Variants in FBN2 observed in about 807,000 individuals in gnomAD.
FBN2 encodes fibrillin 2.
In FBN2, 105 loss-of-function variants were observed where a neutral mutation model predicts 355.6. That is an observed-to-expected ratio of 0.30 (90% CI 0.25 to 0.35). The LOEUF (loss-of-function observed/expected upper bound fraction) is 0.35. FBN2 is among the 10% of genes least tolerant of loss of function. The pLI is 1.00. For missense variants in FBN2, 3,280 were observed against 3,758.7 expected (o/e 0.87, Z 3.33); for synonymous variants, 1,350 against 1,301.2 (o/e 1.04, Z -0.81).
intron 7 of FBN2, among the ~76,000 whole-genome samples, chr5:128,419,135 T>C (rs553563533): frequency 6.6e-6 from 1 of 152,236 alleles, no homozygotes; most frequent in Non-Finnish European, 1.5e-5. Context: ...TCTTGTACAA[T>C]TGCAACTTTG....
At chr5:128,496,997 G>A (rs1306296175) in intron 5 of FBN2, among the ~76,000 whole-genome samples, 2 of 151,842 alleles carry the variant, frequency 1.3e-5, no homozygotes, top group Non-Finnish European at 2.9e-5. Flanking sequence ...AAAGAAGTAC[G>A]AAACTATACT....
intron 7 of FBN2, among the ~76,000 whole-genome samples, chr5:128,429,724 T>C (rs993418630): frequency 2.6e-5 from 4 of 152,228 alleles, no homozygotes; most frequent in African/African-American, 9.6e-5. Context: ...GCTTTACTTG[T>C]TAATTATGAG....
At chr5:128,498,938 A>G (rs1184551829) in intron 5 of FBN2, among the ~76,000 whole-genome samples, 1 of 152,182 alleles carries the variant, frequency 6.6e-6, no homozygotes, top group African/African-American at 2.4e-5. Flanking sequence ...CTTCCCATTC[A>G]TTTACAAGTC....
At chr5:128,331,562 A>C (rs1289491009) in intron 32 of FBN2, among the ~76,000 whole-genome samples, 1 of 152,216 alleles carries the variant, frequency 6.6e-6, no homozygotes, top group Non-Finnish European at 1.5e-5. Context: ...GACTATGAAG[A>C]GATCGAATCC....
chr5:128,474,568 T>C (rs1754959532), intron 5 of FBN2, among the ~76,000 whole-genome samples: 1 of 152,202 alleles, frequency 6.6e-6, no homozygotes, highest in South Asian at 2.1e-4. Flanking sequence ...GACTGGATTA[T>C]GGTGGCTGCC....
chr5:128,305,966 T>C lies in FBN2; in HGVS notation c.5423-18A>G, dbSNP rs752235258. The stretch of plus-strand genomic sequence containing the variant: ...ATCAATGTCTGAAATGGAACAGATT[T>C]GGTCAAATATATGTTGTTCTGTTTA... On this transcript the variant is annotated intron_variant, in intron 42 of 64. Transcript: ENST00000262464. 2 of 1,611,208 alleles carry C rather than the reference T, an allele frequency of 1.2e-6. No homozygotes were observed. The highest frequency in any genetic ancestry group is 1.1e-5 in the South Asian group (1 of 91,040).
intron 8 of FBN2, among the ~76,000 whole-genome samples, chr5:128,397,512 T>C (rs1295582614): frequency 3.3e-5 from 5 of 152,198 alleles, no homozygotes; most frequent in Non-Finnish European, 7.4e-5. Flanking sequence ...TTATTAATTG[T>C]TCGATTTTCA....
At chr5:128,476,860 G>GA (rs1561475553) in intron 5 of FBN2, among the ~76,000 whole-genome samples, 1 of 152,204 alleles carries the variant, frequency 6.6e-6, no homozygotes, top group African/African-American at 2.4e-5. Flanking sequence ...GGTTTCTACA[G>GA]AAGATTTTGT....
chr5:128,464,612 T>G (rs773370205), intron 6 of FBN2, 112 bp downstream of exon 6: 55 of 1,196,832 alleles, frequency 4.6e-5, no homozygotes, highest in Non-Finnish European at 6.5e-5. Context: ...GAGGCCACTC[T>G]TGGAAATCAG....
chr5:128,350,753 C>T, intron 21 of FBN2, 115 bp downstream of exon 21: 1 of 1,231,724 alleles, frequency 8.1e-7, no homozygotes, highest in Non-Finnish European at 1.2e-6. Context: ...AACATTTTAG[C>T]AAAAGTAAAT....
intron 49 of FBN2, among the ~76,000 whole-genome samples, 193 bp from the exon 50 acceptor site, chr5:128,291,077 A>C (rs1749308369): frequency 6.6e-6 from 1 of 152,216 alleles, no homozygotes; most frequent in African/African-American, 2.4e-5. Context: ...AATATGCTTA[A>C]AATATTTTTA....
intron 7 of FBN2, among the ~76,000 whole-genome samples, chr5:128,431,829 T>C (rs1753634681): frequency 6.6e-6 from 1 of 152,148 alleles, no homozygotes; most frequent in Admixed American, 6.5e-5. Context: ...GTCTGCAGCA[T>C]GGATATGCTG....
Position 128,259,285 on chromosome 5 carries a change from G to A in FBN2, c.*170C>T. On this transcript the variant is annotated 3_prime_UTR_variant, in exon 65 of 65. Transcript: ENST00000262464. Reference sequence around the variant, plus strand: ...TGTGCTCAAATCTTTGGCCATACCAGAGTCTAAATTATCCCTCCCTGTGAG... The same window carrying A: ...TGTGCTCAAATCTTTGGCCATACCAAAGTCTAAATTATCCCTCCCTGTGAG... The A allele has an allele frequency of 1.2e-6, 1 of 815,710 alleles. No homozygotes were observed. Among genetic ancestry groups the A allele is most frequent in the Non-Finnish European group, 2.0e-6 (1 of 496,308 alleles). The allele number at this position is 815,710 out of a possible 1,614,324, so 50.5% of individuals were successfully genotyped here. A position where few individuals can be genotyped will look rare whatever the true frequency, so the allele number is the denominator to read the frequency against.
At chr5:128,481,180 GA>G (rs35188139) in intron 5 of FBN2, among the ~76,000 whole-genome samples, 74,620 of 149,386 alleles carry the variant, frequency 0.5, 21,275 homozygotes, top group African/African-American at 0.8. Flanking sequence ...TTTACTCAGG[GA>G]AAAAAAAAAA....
At chr5:128,347,100 T>C (rs1751203364) in intron 23 of FBN2, among the ~76,000 whole-genome samples, 1 of 152,172 alleles carries the variant, frequency 6.6e-6, no homozygotes, top group Non-Finnish European at 1.5e-5. Flanking sequence ...GTGAAAGTCT[T>C]ATATAAGTAC....
rs375560805 is a variant in FBN2, at chr5:128,297,446, C to G, written c.6166+3371G>C. ...AATGTTGACAGTGGGGTGTTAAAGT[C>G]TCCCATTATTAATGTGTGGGAGTCT... On this transcript the variant is annotated intron_variant, in intron 48 of 64. Transcript: ENST00000262464. Among the ~76,000 whole-genome samples the G allele has an allele frequency of 4.7e-3, 721 of 152,030 alleles. 18 individuals are homozygous for G. Among genetic ancestry groups the G allele is most frequent in the South Asian group, 0.043 (209 of 4,818 alleles).
At chr5:128,299,990 A>G (rs1162586719) in intron 48 of FBN2, among the ~76,000 whole-genome samples, 1 of 152,254 alleles carries the variant, frequency 6.6e-6, no homozygotes, top group African/African-American at 2.4e-5. Flanking sequence ...ATGGTATCTA[A>G]TTATGTGGTC....
intron 25 of FBN2, among the ~76,000 whole-genome samples, chr5:128,340,949 G>T (rs552655835): frequency 1.4e-3 from 209 of 152,254 alleles, no homozygotes; most frequent in African/African-American, 4.9e-3. Flanking sequence ...AGAATAGAGA[G>T]GCAAGAGATG....
chr5:128,525,376 G>C (rs1022862765), intron 4 of FBN2, among the ~76,000 whole-genome samples: 3 of 152,118 alleles, frequency 2.0e-5, no homozygotes, highest in Non-Finnish European at 4.4e-5. Context: ...TATGAATACT[G>C]TGTTCGTGAT....
Sources: allele counts gnomAD v4.1 joint callset (sites outside exome capture counted in the v4.1 genomes callset), GRCh38; gene constraint gnomAD v4.1.1; transcripts MANE v1.5; gene names NCBI Gene and HGNC (gene_info 2026-07-23, HGNC 2026-07-21).